LRRN4: variants seen among roughly 807,000 people sequenced by gnomAD.
LRRN4 encodes leucine-rich repeat neuronal protein 4.
LRRN4 carries 26 observed loss-of-function variants against 22.3 expected under a neutral mutation model. The ratio of observed to expected loss-of-function variants is 1.16; its 90% CI spans 0.85 to 1.62. The LOEUF (loss-of-function observed/expected upper bound fraction) is 1.62, where lower values mean the gene tolerates loss of function less well. LRRN4 is among the 40% of genes most tolerant of loss of function. The probability of loss-of-function intolerance (pLI) is 0.00; values close to 1 mark genes in which losing one functional copy is unlikely to be tolerated. For missense variants in LRRN4, 1,070 were observed against 1,008.5 expected, an observed-to-expected ratio of 1.06 and a Z score of -0.83; for synonymous variants, 496 against 486.2, an observed-to-expected ratio of 1.02 and a Z score of -0.26.
In LRRN4 at chr20:6,042,294, T is replaced by A. The variant is rs73896718; in HGVS notation, c.999-48A>T. 2.9e-3 allele frequency: 4,423 copies of A among 1,548,742 alleles called. 128 individuals carry two copies. The African/African-American group carries it at 0.053, about 18-fold the overall frequency. On this transcript the variant is annotated intron_variant, in intron 4 of 4. Transcript: ENST00000378858. Reference sequence around the variant, plus strand: ...AGAAGACGTCTGGCTTCAGGGACACTTCTGCGCAGAGCTTTGAATCCTCAT... The same window carrying A: ...AGAAGACGTCTGGCTTCAGGGACACATCTGCGCAGAGCTTTGAATCCTCAT...
Position 6,041,982 on chromosome 20 carries a change from C to A in LRRN4, c.1263G>T (p.Pro421=). ...CAGTCCCCTCCCGTGCATCGCTGTG[C>A]GGCCATGCAGCTATCGTGCGAGAGC... The part of the protein sequence containing the change: ...NVGSRTIAAW[P]HSDAREGTAP... The change falls in exon 5 of 5, where the codon CCG becomes CCT. Residue 421 remains proline, a synonymous_variant. Transcript: ENST00000378858. This position sits in a 1 kb window ranked among gnomAD's most constrained non-coding sequence, Gnocchi z 9.4. The A allele has an allele frequency of 6.2e-7, 1 of 1,614,056 alleles. No homozygotes were observed.
intron 1 of LRRN4, among the ~76,000 whole-genome samples, chr20:6,053,012 A>G (rs1200420243): frequency 6.6e-6 from 1 of 152,072 alleles, no homozygotes; most frequent in Non-Finnish European, 1.5e-5. Context: ...CCCTAGGAGC[A>G]CGGTGATACC....
At chr20:6,048,102 T>G (rs1002835018) in intron 3 of LRRN4, among the ~76,000 whole-genome samples, 2 of 152,092 alleles carry the variant, frequency 1.3e-5, no homozygotes, top group African/African-American at 4.8e-5. Context: ...ATGTCCCACA[T>G]TTTGCCAAAT....
rs940183686 is a variant in LRRN4 at position 6,050,903 on chromosome 20, C to T, written c.736G>A (p.Gly246Arg). The change falls in exon 3 of 5, where the codon GGG (glycine) becomes AGG (arginine). Residue 246 changes from glycine (G) to arginine (R), a missense_variant. Physicochemically the swap from Gly to Arg is moderately radical, Grantham distance 125 (BLOSUM62 -2). Coordinates refer to ENST00000378858, the MANE Select transcript of LRRN4 (RefSeq NM_152611.5). ...TTGGGGGTCATCTTGAAAATGTCCC[C>T]CTCCAGGGTCGTCAGCCGAGGCATC... ...RKMPRLTTLE[G>R]DIFKMTPNLQ... 19 of 1,613,998 alleles carry T rather than the reference C, an allele frequency of 1.2e-5. No individual in the cohort carries two copies. The highest frequency in any genetic ancestry group is 1.6e-5 in the Non-Finnish European group (19 of 1,180,020).
intron 1 of LRRN4, 128 bp from the exon 2 acceptor site, chr20:6,052,932 C>T (rs1289719419): frequency 9.9e-7 from 1 of 1,010,130 alleles, no homozygotes. Flanking sequence ...CCCTGCAGGG[C>T]GGGGAGACGT....
rs1600401358 is a variant in LRRN4 at position 6,040,732 on chromosome 20, C to T, written c.*290G>A. 7 of 459,054 alleles carry T rather than the reference C, an allele frequency of 1.5e-5. No homozygotes were observed. In the South Asian group the frequency reaches 1.6e-4, roughly 11 times the overall value. The allele number at this position is 459,054 out of a possible 1,614,324, so 28.4% of individuals were successfully genotyped here. On this transcript the variant is annotated 3_prime_UTR_variant, in exon 5 of 5. Transcript: ENST00000378858. ...ATTCTACTGGATAGAGAGGCACTGA[C>T]TGCTGAAAACCGCAAATGAACCAAC...
In LRRN4 at chr20:6,049,704, T is replaced by A. The variant is rs556086269; in HGVS notation, c.860+1075A>T. Among the ~76,000 whole-genome samples the A allele has an allele frequency of 2.1e-3, 318 of 152,288 alleles. 2 individuals are homozygous for A. The highest frequency in any genetic ancestry group is 7.5e-3 in the African/African-American group (310 of 41,556). Reference sequence around the variant, plus strand: ...TTTTAGTAGAGATGGGGTTTCACCATGTTGGCCAGGCTGGTCTCGAACTCC... The same window carrying A: ...TTTTAGTAGAGATGGGGTTTCACCAAGTTGGCCAGGCTGGTCTCGAACTCC... On this transcript the variant is annotated intron_variant, in intron 3 of 4. Coordinates refer to ENST00000378858, the MANE Select transcript of LRRN4 (RefSeq NM_152611.5).
At chr20:6,047,430 AC>A (rs1568641504) in intron 3 of LRRN4, among the ~76,000 whole-genome samples, 1 of 88,168 alleles carries the variant, frequency 1.1e-5, no homozygotes, top group Non-Finnish European at 2.2e-5. Flanking sequence ...ACACATACAC[AC>A]ACACACACAC....
intron 3 of LRRN4, among the ~76,000 whole-genome samples, chr20:6,047,720 G>C (rs555020077): frequency 1.1e-4 from 17 of 151,676 alleles, no homozygotes; most frequent in African/African-American, 3.6e-4. Context: ...GAACCTGGGA[G>C]GTGAAGATTG....
In LRRN4 at chr20:6,041,364, C is replaced by A; in HGVS notation, c.1881G>T (p.Gly627=). The change falls in exon 5 of 5, where the codon GGG becomes GGT. Residue 627 remains glycine, a synonymous_variant. Transcript: ENST00000378858. This position sits in a 1 kb window ranked among gnomAD's most constrained non-coding sequence, Gnocchi z 9.4. Reference sequence around the variant, plus strand: ...GCTGCCGGGCCGTGGCGTAGATGACCCCCACCACCGACTGGTTCCCCGCCC... The same window carrying A: ...GCTGCCGGGCCGTGGCGTAGATGACACCCACCACCGACTGGTTCCCCGCCC... ...EGWAGNQSVV[G]VIYATARQHP... 1 of 1,592,778 alleles carries A rather than the reference C, an allele frequency of 6.3e-7. No homozygotes were observed. Among genetic ancestry groups the A allele is most frequent in the Non-Finnish European group, 8.5e-7 (1 of 1,171,522 alleles).
At chr20:6,051,117 T>A (rs1486387768) in intron 2 of LRRN4, 134 bp from the exon 3 acceptor site, 1 of 744,976 alleles carries the variant, frequency 1.3e-6, no homozygotes, top group African/African-American at 1.8e-5. Context: ...AGTTAGCAGC[T>A]CTGGGAATCT....
At position 6,041,624 on chromosome 20, in the gene LRRN4, G is replaced by T; in HGVS notation, c.1621C>A (p.Pro541Thr). The T allele has an allele frequency of 1.3e-6, 2 of 1,591,074 alleles. No homozygotes were observed. Among genetic ancestry groups the T allele is most frequent in the Non-Finnish European group, 1.7e-6 (2 of 1,166,958 alleles). Reference protein sequence around the residue: ...EEGRKEEVGTPHQDVPCDYHP... With the variant: ...EEGRKEEVGTTHQDVPCDYHP... ...TAATCACAGGGGACGTCCTGGTGAG[G>T]CGTTCCCACCTCCTCCTTCCTCCCT... is the stretch of plus-strand genomic sequence containing the variant. Residue 541 changes from proline to threonine, a missense_variant, in exon 5 of 5, where the codon CCT becomes ACT. Transcript: ENST00000378858. The surrounding 1 kb of genome is among the most constrained non-coding windows in gnomAD (Gnocchi z 9.4).
intron 3 of LRRN4, among the ~76,000 whole-genome samples, chr20:6,047,814 C>T (rs1023077897): frequency 4.0e-5 from 6 of 150,498 alleles, no homozygotes; most frequent in African/African-American, 7.3e-5. Flanking sequence ...AGTGGACCCA[C>T]AGGCGTCACG....
In LRRN4 at chr20:6,052,546, T is replaced by A. The variant is rs200314965; in HGVS notation, c.254A>T (p.Asn85Ile). 508 of 1,583,944 alleles carry A rather than the reference T, an allele frequency of 3.2e-4. 1 individual carries two copies. In the African/African-American group the frequency reaches 6.1e-3, roughly 19 times the overall value. ...RTLRSLDASH[N>I]LLRALSTSEL... is the part of the protein sequence containing the mutation. ...GGAAGTGCTCAGGGCGCGCAGCAGG[T>A]TGTGGCTGGCGTCGAGGCTGCGCAG... The change falls in exon 2 of 5, where the codon AAC becomes ATC. Residue 85 changes from asparagine to isoleucine, a missense_variant. Coordinates refer to ENST00000378858, the MANE Select transcript of LRRN4 (RefSeq NM_152611.5).
intron 1 of LRRN4, 144 bp from the exon 2 acceptor site, chr20:6,052,948 G>A: frequency 1.1e-6 from 1 of 884,386 alleles, no homozygotes; most frequent in Non-Finnish European, 1.7e-6. Flanking sequence ...GACGTTCCCA[G>A]AGTCGCCTAG....
rs765713051 is a variant in LRRN4 at position 6,052,132 on chromosome 20, C to A, written c.655+13G>T. 6.3e-7 allele frequency: 1 copy of A among 1,579,472 alleles called. No individual in the cohort carries two copies. The highest frequency in any genetic ancestry group is 1.2e-5 in the South Asian group (1 of 86,338). On this transcript the variant is annotated intron_variant, in intron 2 of 4. Coordinates refer to ENST00000378858, the MANE Select transcript of LRRN4 (RefSeq NM_152611.5). Reference sequence around the variant, plus strand: ...GCTCAGGCCGGCTGAAAACGCGGGGCGCCCGGACTCACCCCGTTCAAGGAA... The same window carrying A: ...GCTCAGGCCGGCTGAAAACGCGGGGAGCCCGGACTCACCCCGTTCAAGGAA...
chr20:6,041,297 A>G lies in LRRN4; in HGVS notation c.1948T>C (p.Cys650Arg), dbSNP rs773462481. Residue 650 changes from cysteine to arginine, a missense_variant, in exon 5 of 5, where the codon TGC becomes CGC. Physicochemically the swap from Cys to Arg is radical, Grantham distance 180. Transcript: ENST00000378858. This position sits in a 1 kb window ranked among gnomAD's most constrained non-coding sequence, Gnocchi z 9.4. ...GLSPGTTYRVCVLAANRAGLS... is the reference protein window; with the variant it reads ...GLSPGTTYRVRVLAANRAGLS... ...CCCGCCCTGTTGGCCGCCAGCACGC[A>G]CACGCGGTAGGTGGTGCCCGGCGAC... The G allele has an allele frequency of 6.3e-6, 10 of 1,594,778 alleles. No homozygotes were observed. The highest frequency in any genetic ancestry group is 6.8e-6 in the Non-Finnish European group (8 of 1,173,988).
chr20:6,051,086 G>A (rs1359287939), intron 2 of LRRN4, 103 bp from the exon 3 acceptor site: 1 of 980,684 alleles, frequency 1.0e-6, no homozygotes, highest in Non-Finnish European at 1.6e-6. Flanking sequence ...AATGGTGAAG[G>A]TCATCGCTGA....
intron 1 of LRRN4, among the ~76,000 whole-genome samples, 191 bp downstream of exon 1, chr20:6,053,639 T>G (rs1981319738): frequency 6.6e-6 from 1 of 152,212 alleles, no homozygotes; most frequent in South Asian, 2.1e-4. Flanking sequence ...ATGAGGTCAC[T>G]GCTCCATATC....
Sources: gnomAD v4.1 joint callset for allele counts (sites outside exome capture counted in the v4.1 genomes callset) on GRCh38, gnomAD v4.1.1 for gene constraint, Gnocchi (gnomAD v3.1) non-coding constraint, MANE v1.5 for transcripts, NCBI Gene and HGNC (gene_info 2026-07-23, HGNC 2026-07-21) for gene names.